Variants in ERMP1 observed in about 807,000 individuals in gnomAD.
The protein encoded by ERMP1 is endoplasmic reticulum metallopeptidase 1, also known as Felix-ina.
In ERMP1, 86 loss-of-function variants were observed where a neutral mutation model predicts 92.0. That is an observed-to-expected ratio of 0.93 (90% confidence interval 0.79 to 1.12). ERMP1 has a LOEUF of 1.12. Ranked by LOEUF, ERMP1 falls within the 50% of genes most tolerant of loss-of-function variation. ERMP1 has a pLI of 0.00. For synonymous variants in ERMP1, 530 were observed against 412.8 expected, an observed-to-expected ratio of 1.28 and a Z score of -3.44; for missense variants, 1,342 against 1,116.3, an observed-to-expected ratio of 1.20 and a Z score of -2.88.
chr9:5,852,841 T>C (rs774343680), intron 6 of ERMP1, among the ~76,000 whole-genome samples: 9 of 152,162 alleles, frequency 5.9e-5, no homozygotes, highest in Non-Finnish European at 8.8e-5. Flanking sequence ...CTGAAACATG[T>C]TTTTGTAAAT....
intron 5 of ERMP1, 200 bp downstream of exon 5, chr9:5,812,689 C>A: frequency 1.6e-6 from 1 of 622,676 alleles, no homozygotes. Context: ...GGAAAGATGA[C>A]ATATTTTAGA....
chr9:5,864,941 T>C (rs539056247), intron 5 of ERMP1, among the ~76,000 whole-genome samples: 1 of 152,256 alleles, frequency 6.6e-6, no homozygotes, highest in East Asian at 1.9e-4. Context: ...TCCTAACTTG[T>C]GACTCAACAA....
intron 4 of ERMP1, among the ~76,000 whole-genome samples, chr9:5,815,083 C>G (rs1401662540): frequency 6.6e-6 from 1 of 151,976 alleles, no homozygotes; most frequent in Non-Finnish European, 1.5e-5. Flanking sequence ...CCCAAAAGAA[C>G]AGAAGATAGA....
intron 11 of ERMP1, among the ~76,000 whole-genome samples, chr9:5,800,899 T>C (rs543723557): frequency 6.6e-6 from 1 of 152,256 alleles, no homozygotes; most frequent in Non-Finnish European, 1.5e-5. Context: ...AATAAATATT[T>C]GCTCCTGTTT....
At chr9:5,811,953 C>G (rs1037359330) in intron 6 of ERMP1, among the ~76,000 whole-genome samples, 172 bp downstream of exon 6, 6 of 152,198 alleles carry the variant, frequency 3.9e-5, no homozygotes, top group Non-Finnish European at 7.3e-5. Context: ...AATTGCTACA[C>G]TAGACTACAA....
At chr9:5,831,093 T>C in intron 1 of ERMP1, 65 bp from the exon 2 acceptor site, 1 of 1,305,358 alleles carries the variant, frequency 7.7e-7, no homozygotes, top group Non-Finnish European at 1.1e-6. Flanking sequence ...TGGGTAACTT[T>C]TCCACTACAC....
Position 5,801,204 on chromosome 9 carries a change from T to A in ERMP1, c.2039A>T (p.Asn680Ile). ...AAGAAACACTCTCTTTGGCTTCGGA[T>A]TAGCAGGATTGGAGCTATATGGAAA... ...TFFPYSSNPA[N>I]PKPKRVFLQH... The change falls in exon 11 of 15, where the codon AAT becomes ATT. Residue 680 changes from asparagine to isoleucine, a missense_variant. Asn to Ile is a moderately radical substitution (Grantham distance 149). Transcript: ENST00000339450. The A allele has an allele frequency of 3.7e-6, 6 of 1,613,304 alleles. No homozygotes were observed. The highest frequency in any genetic ancestry group is 5.1e-6 in the Non-Finnish European group (6 of 1,179,718).
chr9:5,835,446 G>A (rs1419995419), upstream of ERMP1, among the ~76,000 whole-genome samples: 1 of 152,244 alleles, frequency 6.6e-6, no homozygotes, highest in Non-Finnish European at 1.5e-5. Context: ...AAAAGCTGCT[G>A]TTTTATTAGG....
At position 5,805,605 on chromosome 9, in the gene ERMP1, C is replaced by A; in HGVS notation, c.1723+6G>T. The A allele has an allele frequency of 1.3e-6, 2 of 1,554,324 alleles. No individual in the cohort carries two copies. Among genetic ancestry groups the A allele is most frequent in the Non-Finnish European group, 1.7e-6 (2 of 1,159,100 alleles). ...CCCATGTATATCAAAATCAAAAATA[C>A]CCTACCATGCTGCTTGAAGTCCTTA... On this transcript the variant is annotated splice_donor_region_variant and intron_variant, in intron 9 of 14. Transcript: ENST00000339450.
chr9:5,792,192 G>C (rs1464813115), intron 13 of ERMP1, among the ~76,000 whole-genome samples: 28 of 152,168 alleles, frequency 1.8e-4, no homozygotes, highest in Admixed American at 1.8e-3. Context: ...GACTACCGAA[G>C]ACCTAACATG....
chr9:5,816,661 G>A (rs555166025), intron 4 of ERMP1, among the ~76,000 whole-genome samples: 72 of 152,204 alleles, frequency 4.7e-4, no homozygotes, highest in Non-Finnish European at 8.1e-4. Context: ...AGACATTTAC[G>A]AGAATGTTCA....
At chr9:5,813,200 T>C (rs566442860) in intron 4 of ERMP1, among the ~76,000 whole-genome samples, 165 bp from the exon 5 acceptor site, 29 of 152,334 alleles carry the variant, frequency 1.9e-4, no homozygotes, top group African/African-American at 6.5e-4. Context: ...TTCTCTGATA[T>C]ATGTGTTTGA....
At chr9:5,806,470 T>C (rs1828875108) in intron 8 of ERMP1, among the ~76,000 whole-genome samples, 2 of 151,394 alleles carry the variant, frequency 1.3e-5, no homozygotes, top group African/African-American at 2.4e-5. Context: ...CTCTGTCGCC[T>C]AGGCCGGAGT....
rs545086787 is a variant in ERMP1 at position 5,821,030 on chromosome 9, G to C, written c.874+2866C>G. 5.3e-5 allele frequency among the ~76,000 whole-genome samples: 8 copies of C among 152,264 alleles called. No individual in the cohort carries two copies. The East Asian group carries it at 1.5e-3, about 29-fold the overall frequency. The stretch of plus-strand genomic sequence containing the variant: ...GGAGAAAAAATCATGTAAAATTTCA[G>C]AGTAAGGAGGGAAATAATCTCTTCA... On this transcript the variant is annotated intron_variant, in intron 4 of 14. Transcript: ENST00000339450.
At chr9:5,795,727 G>A (rs1466553161) in intron 13 of ERMP1, among the ~76,000 whole-genome samples, 9 of 151,996 alleles carry the variant, frequency 5.9e-5, no homozygotes, top group Admixed American at 1.3e-4. Flanking sequence ...GCCGTGAGCC[G>A]AGATCGTACC....
intron 1 of ERMP1, among the ~76,000 whole-genome samples, chr9:5,831,627 A>G (rs1196723112): frequency 6.6e-6 from 1 of 152,178 alleles, no homozygotes; most frequent in South Asian, 2.1e-4. Flanking sequence ...AAAAAAAGCT[A>G]AAGACTAAGC....
At chr9:5,847,235 A>G (rs1051875659) in intron 6 of ERMP1, among the ~76,000 whole-genome samples, 1 of 152,182 alleles carries the variant, frequency 6.6e-6, no homozygotes, top group Admixed American at 6.5e-5. Context: ...CAACCCAAAT[A>G]TCATCACTGA....
At chr9:5,848,391 G>A (rs1830265090) in intron 6 of ERMP1, among the ~76,000 whole-genome samples, 1 of 152,132 alleles carries the variant, frequency 6.6e-6, no homozygotes, top group Non-Finnish European at 1.5e-5. Flanking sequence ...AGAACCCTCA[G>A]AACAAACACA....
intron 5 of ERMP1, among the ~76,000 whole-genome samples, chr9:5,861,717 GTTTTTTTTT>G (rs34804675): frequency 3.0e-5 from 2 of 66,240 alleles, no homozygotes; most frequent in Non-Finnish European, 5.3e-5. Context: ...GAGAGGAAGG[GTTTTTTTTT>G]TTTTTTTTTT....
Sources: allele counts gnomAD v4.1 joint callset (sites outside exome capture counted in the v4.1 genomes callset), GRCh38; gene constraint gnomAD v4.1.1; transcripts MANE v1.5; gene names NCBI Gene and HGNC (gene_info 2026-07-23, HGNC 2026-07-21).